Variants in ABCA9 observed in about 807,000 individuals in gnomAD.
ABCA9 encodes ATP-binding cassette sub-family A member 9.
In ABCA9, 183 loss-of-function variants were observed where a neutral mutation model predicts 205.3. The ratio of observed to expected loss-of-function variants is 0.89; its 90% CI spans 0.79 to 1.01. The LOEUF (loss-of-function observed/expected upper bound fraction) is 1.01. ABCA9 is among the 50% of genes least tolerant of loss of function. The pLI is 0.00. For synonymous variants in ABCA9, 651 were observed against 683.3 expected, an observed-to-expected ratio of 0.95 and a Z score of 0.74; for missense variants, 1,805 against 1,912.4, an observed-to-expected ratio of 0.94 and a Z score of 1.05.
chr17:68,992,813 C>CA (rs151237505), intron 27 of ABCA9: 6,167 of 292,620 alleles, frequency 0.021, 2 homozygotes, highest in East Asian at 0.043. Context: ...AACTCTGTCT[C>CA]AAAAAAAAAA....
At chr17:69,060,765 C>T (rs563520553) in intron 1 of ABCA9, 101 bp downstream of exon 1, 2 of 776,370 alleles carry the variant, frequency 2.6e-6, no homozygotes, top group East Asian at 2.6e-4. Flanking sequence ...TAATAACTTA[C>T]TGCTTTTAAT....
intron 4 of ABCA9, 51 bp from the exon 5 acceptor site, chr17:69,044,651 C>T (rs751490942): frequency 2.6e-6 from 4 of 1,521,374 alleles, no homozygotes; most frequent in Non-Finnish European, 3.6e-6. Flanking sequence ...ATCTTGGCTA[C>T]AGAAAAAAAC....
At chr17:69,055,211 C>T (rs1476320795) in intron 1 of ABCA9, among the ~76,000 whole-genome samples, 1 of 152,040 alleles carries the variant, frequency 6.6e-6, no homozygotes, top group Non-Finnish European at 1.5e-5. Flanking sequence ...CAGAGATTGT[C>T]AGAGTAGATG....
rs1010319239 is a variant in ABCA9, at chr17:69,029,267, A to G, written c.1446-40T>C. 3 of 1,315,644 alleles carry G rather than the reference A, an allele frequency of 2.3e-6. No homozygotes were observed. The African/African-American group carries it at 4.5e-5, about 20-fold the overall frequency. 81.5% of individuals were successfully genotyped at this position (1,315,644 alleles called of 1,614,324 possible). A position where few individuals can be genotyped will look rare whatever the true frequency, so the allele number is the denominator to read the frequency against. ...GAAATGTTTTCAGAGAATTGTAAAA[A>G]TGTGCAGAGGATTGATAAGTCAAGT... On this transcript the variant is annotated intron_variant, in intron 10 of 38. Transcript: ENST00000340001.
chr17:69,012,117 G>A (rs754947644), intron 22 of ABCA9, 34 bp from the exon 23 acceptor site: 11 of 1,437,972 alleles, frequency 7.6e-6, no homozygotes, highest in East Asian at 4.6e-5. Context: ...AGCTGATGGC[G>A]ATTGGGCATC....
At chr17:69,053,375 C>A (rs943026586) in intron 1 of ABCA9, among the ~76,000 whole-genome samples, 1 of 152,154 alleles carries the variant, frequency 6.6e-6, no homozygotes, top group Non-Finnish European at 1.5e-5. Flanking sequence ...ATTCCCATCA[C>A]CCCTATGACT....
At position 69,046,875 on chromosome 17, in the gene ABCA9, C is replaced by CTCTA. The variant is rs1827921165; in HGVS notation, c.305-1540_305-1539insTAGA. 3.1e-5 allele frequency among the ~76,000 whole-genome samples: 4 copies of CTCTA among 127,766 alleles called. No homozygotes were observed. In the South Asian group the frequency reaches 1.0e-3, roughly 32 times the overall value. 83.8% of individuals were successfully genotyped at this position (127,766 alleles called of 152,430 possible). A position where few individuals can be genotyped will look rare whatever the true frequency, so the allele number is the denominator to read the frequency against. ...CACATTGCCTGAAGGCGATTTTATA[C>CTCTA]TATATATATATATATATATATATAT... On this transcript the variant is annotated intron_variant, in intron 3 of 38. Transcript: ENST00000340001.
At chr17:69,002,646 G>A (rs535652945) in intron 25 of ABCA9, among the ~76,000 whole-genome samples, 3 of 151,646 alleles carry the variant, frequency 2.0e-5, no homozygotes, top group African/African-American at 7.3e-5. Context: ...CTTGGTGCAG[G>A]GCTGAGTTCA....
rs1390650749 is a variant in ABCA9 at position 68,989,118 on chromosome 17, C to T, written c.3956G>A (p.Gly1319Asp). ...GTGTCCTAACAGTCCTATAACTTCA[C>T]CTGAAAGAAAGTGGTATGCTCAGAA... ...TRNVSFCVKK[G>D]EVIGLLGHNG... is the part of the protein sequence containing the mutation. The change falls in exon 31 of 39, where the codon GGT becomes GAT. Residue 1319 changes from glycine to aspartate, a missense_variant and splice_region_variant. Gly to Asp is a moderately conservative substitution (Grantham distance 94). Coordinates refer to ENST00000340001, the MANE Select transcript of ABCA9 (RefSeq NM_080283.4). 2 of 1,595,216 alleles carry T rather than the reference C, an allele frequency of 1.3e-6. No homozygotes were observed. Among genetic ancestry groups the T allele is most frequent in the African/African-American group, 2.7e-5 (2 of 74,462 alleles).
At chr17:68,977,508 G>T (rs2068923344) in intron 37 of ABCA9, among the ~76,000 whole-genome samples, 1 of 152,176 alleles carries the variant, frequency 6.6e-6, no homozygotes, top group Non-Finnish European at 1.5e-5. Flanking sequence ...AGAAAGAAAA[G>T]ACATAAAATT....
rs1426695156 is a variant in ABCA9, at chr17:69,049,293, T to C, written c.294A>G (p.Pro98=). Residue 98 remains proline, a synonymous_variant, in exon 3 of 39, where the codon CCA becomes CCG. Coordinates refer to ENST00000340001, the MANE Select transcript of ABCA9 (RefSeq NM_080283.4). The part of the protein sequence containing the change: ...QEIMNKVASA[P]FLKGRTIMGW... The stretch of plus-strand genomic sequence containing the variant: ...AACCAGGGAACATACCTTTTAGGAA[T>C]GGGGCTGAAGCCACTTTGTTCATTA... The C allele has an allele frequency of 3.7e-6, 6 of 1,611,448 alleles. No individual in the cohort carries two copies. Among genetic ancestry groups the C allele is most frequent in the Non-Finnish European group, 5.1e-6 (6 of 1,178,450 alleles).
chr17:68,975,720 G>T lies in ABCA9; in HGVS notation c.*195C>A. On this transcript the variant is annotated 3_prime_UTR_variant, in exon 39 of 39. Transcript: ENST00000340001. ...GCTGGCACAAAGGCTGCATGGTATG[G>T]CTTAGGCTTATGCCCTATGATCGCC... 1 of 561,974 alleles carries T rather than the reference G, an allele frequency of 1.8e-6. No homozygotes were observed. The highest frequency in any genetic ancestry group is 3.2e-6 in the Non-Finnish European group (1 of 315,302). The allele number at this position is 561,974 out of a possible 1,614,324, so 34.8% of individuals were successfully genotyped here.
intron 29 of ABCA9, among the ~76,000 whole-genome samples, chr17:68,990,494 G>C (rs2069412188): frequency 6.6e-6 from 1 of 152,190 alleles, no homozygotes. Context: ...TGAGCTTCCA[G>C]CCTCAGCCTT....
rs771044683 is a variant in ABCA9, at chr17:69,021,721, CTCTT to C, written c.2401+17_2401+20del. On this transcript the variant is annotated intron_variant, in intron 18 of 38. Transcript: ENST00000340001. ...CCTTTCTTTCTTTCTCCCTTTCTTT[CTCTT>C]TCTTATTTTTTCTTACCTGATTCAT... 10 of 1,444,286 alleles carry C rather than the reference CTCTT, an allele frequency of 6.9e-6. No individual in the cohort carries two copies. The East Asian group carries it at 1.4e-4, about 20-fold the overall frequency. 89.5% of individuals were successfully genotyped at this position (1,444,286 alleles called of 1,614,324 possible).
the ABCA9 span, among the ~76,000 whole-genome samples, chr17:69,067,072 C>T: frequency 6.6e-6 from 1 of 152,028 alleles, no homozygotes; most frequent in Admixed American, 6.5e-5. Context: ...AAAAGCCGTA[C>T]TTATGGAATA....
At position 69,007,835 on chromosome 17, in the gene ABCA9, A is replaced by T. The variant is rs141616550; in HGVS notation, c.3359T>A (p.Phe1120Tyr). 9 of 1,610,974 alleles carry T rather than the reference A, an allele frequency of 5.6e-6. No individual in the cohort carries two copies. The highest frequency in any genetic ancestry group is 7.6e-6 in the Non-Finnish European group (9 of 1,177,766). ...CSIGYVSSLV[F>Y]LTYVISFIFR... is the part of the protein sequence containing the mutation. ...AATGAATGAAATCACATATGTCAAGAAAACAAGAGATGAGACATAGCCAAT... is the reference window on the plus strand; with the variant it reads ...AATGAATGAAATCACATATGTCAAGTAAACAAGAGATGAGACATAGCCAAT... Residue 1120 changes from phenylalanine (F) to tyrosine (Y), a missense_variant, in exon 25 of 39, where the codon TTC becomes TAC. Transcript: ENST00000340001.
At chr17:69,053,146 G>A (rs1348944993) in intron 1 of ABCA9, among the ~76,000 whole-genome samples, 6 of 152,124 alleles carry the variant, frequency 3.9e-5, no homozygotes, top group South Asian at 2.1e-4. Flanking sequence ...AGATTAACTC[G>A]AACTCAATCT....
Position 69,027,121 on chromosome 17 carries a change from A to G in ABCA9, c.1912-7T>C. The G allele has an allele frequency of 6.2e-7, 1 of 1,613,566 alleles. No individual in the cohort carries two copies. The highest frequency in any genetic ancestry group is 8.5e-7 in the Non-Finnish European group (1 of 1,179,880). On this transcript the variant is annotated splice_polypyrimidine_tract_variant and splice_region_variant and intron_variant, in intron 14 of 38. Coordinates refer to ENST00000340001, the MANE Select transcript of ABCA9 (RefSeq NM_080283.4). Reference sequence around the variant, plus strand: ...GTTCATCCAATAGCAAAACCTGGACAGGAGGAAAGTCCTAAAGTAATTCCA... The same window carrying G: ...GTTCATCCAATAGCAAAACCTGGACGGGAGGAAAGTCCTAAAGTAATTCCA...
chr17:69,021,992 A>C, intron 17 of ABCA9, 131 bp from the exon 18 acceptor site: 15 of 650,760 alleles, frequency 2.3e-5, no homozygotes, highest in South Asian at 5.0e-5. Flanking sequence ...AGATGATCTC[A>C]TTTCTAAAAT....
Sources: gnomAD v4.1 joint callset for allele counts (sites outside exome capture counted in the v4.1 genomes callset) on GRCh38, gnomAD v4.1.1 for gene constraint, MANE v1.5 for transcripts, NCBI Gene and HGNC (gene_info 2026-07-23, HGNC 2026-07-21) for gene names.